The following MRPL34 variants were observed in gnomAD, a reference collection of about 807,000 sequenced individuals.
The protein encoded by MRPL34 is large ribosomal subunit protein bL34m.
MRPL34 carries 8 observed loss-of-function variants against 6.7 expected under a neutral mutation model. That is an observed-to-expected ratio of 1.20 (90% confidence interval 0.70 to 2.16). MRPL34 has a LOEUF of 2.16. MRPL34 is among the 30% of genes most tolerant of loss of function. The pLI is 0.00. For synonymous variants in MRPL34, 59 were observed against 55.1 expected, an observed-to-expected ratio of 1.07 and a Z score of -0.31; for missense variants, 146 against 125.5, an observed-to-expected ratio of 1.16 and a Z score of -0.78.
intron 1 of MRPL34, among the ~76,000 whole-genome samples, chr19:17,295,619 G>A (rs1290457338): frequency 6.6e-6 from 1 of 152,080 alleles, no homozygotes; most frequent in Admixed American, 6.6e-5. Flanking sequence ...TGTTGCTCAG[G>A]CTGGTCGAGA....
upstream of MRPL34, chr19:17,301,355 C>T: frequency 6.2e-7 from 1 of 1,610,148 alleles, no homozygotes; most frequent in South Asian, 1.1e-5. Flanking sequence ...AGCAACCGCC[C>T]ATTGCGGTAC....
At position 17,306,292 on chromosome 19, in the gene MRPL34, C is replaced by T. The variant is rs1189671136; in HGVS notation, c.192C>T (p.His64=). ...QPSNIKRKNK[H]GWVRRLSTPA... ...GCAACATCAAACGCAAGAACAAGCA[C>T]GGCTGGGTCCGGCGCCTGAGCACGC... The change falls in exon 2 of 2, where the codon CAC becomes CAT. Residue 64 remains histidine (H), a synonymous_variant. Transcript: ENST00000252602. 3.1e-6 allele frequency: 5 copies of T among 1,609,974 alleles called. No homozygotes were observed. Among genetic ancestry groups the T allele is most frequent in the African/African-American group, 1.3e-5 (1 of 75,002 alleles).
At chr19:17,295,027 G>C (rs1318706561) in intron 1 of MRPL34, among the ~76,000 whole-genome samples, 1 of 150,464 alleles carries the variant, frequency 6.6e-6, no homozygotes, top group African/African-American at 2.4e-5. Flanking sequence ...AGGTTCAAGC[G>C]ATTCTCCTGC....
upstream of MRPL34, among the ~76,000 whole-genome samples, chr19:17,299,289 C>T (rs549737672): frequency 7.1e-5 from 10 of 140,094 alleles, no homozygotes; most frequent in East Asian, 6.9e-4. Context: ...TGGCCTGGTG[C>T]GTTGGCTCAC....
chr19:17,301,815 A>C (rs1273625893), upstream of MRPL34, among the ~76,000 whole-genome samples: 2 of 137,208 alleles, frequency 1.5e-5, no homozygotes, highest in African/African-American at 3.1e-5. Flanking sequence ...TGTGTTTTTG[A>C]GACAGTCTCG....
At chr19:17,293,861 T>C (rs1192988316) in intron 1 of MRPL34, among the ~76,000 whole-genome samples, 1 of 151,998 alleles carries the variant, frequency 6.6e-6, no homozygotes, top group African/African-American at 2.4e-5. Context: ...GCCGGGCTAG[T>C]ATCCAGGGCT....
rs756997082 is a variant in MRPL34 at position 17,294,889 on chromosome 19, G to A, written c.214+2035G>A. On this transcript the variant is annotated intron_variant, in intron 1 of 2. Coordinates refer to the MRPL34 transcript ENST00000595444. Reference sequence around the variant, plus strand: ...GTGATAGGAGGATTGAAGGGAGGCGGTCAGCAGGATACAAGCAGTGACCAT... The same window carrying A: ...GTGATAGGAGGATTGAAGGGAGGCGATCAGCAGGATACAAGCAGTGACCAT... 13 of 1,598,402 alleles carry A rather than the reference G, an allele frequency of 8.1e-6. No homozygotes were observed. In the East Asian group the frequency reaches 2.7e-4, roughly 33 times the overall value.
chr19:17,305,794 TAGGAG>T, upstream of MRPL34: 2 of 1,284,304 alleles, frequency 1.6e-6, no homozygotes, highest in Admixed American at 3.4e-5. Context: ...TTTTGCACGT[TAGGAG>T]AAACTACATT....
upstream of MRPL34, chr19:17,305,818 T>A (rs371758622): frequency 8.8e-5 from 127 of 1,435,378 alleles, no homozygotes; most frequent in South Asian, 3.8e-4. Context: ...TTTCCCATAA[T>A]CCTTTGTTCC....
chr19:17,301,527 G>A (rs753140950), upstream of MRPL34: 3 of 1,610,324 alleles, frequency 1.9e-6, no homozygotes, highest in Non-Finnish European at 8.5e-7. Context: ...TGTAGCCATC[G>A]CTGGACTCGA....
intron 1 of MRPL34, among the ~76,000 whole-genome samples, chr19:17,293,387 G>A (rs2145650460): frequency 6.6e-6 from 1 of 150,774 alleles, no homozygotes; most frequent in South Asian, 2.1e-4. Context: ...GTGAGCCACC[G>A]CGCCCGGCCT....
intron 1 of MRPL34, among the ~76,000 whole-genome samples, chr19:17,293,247 C>T (rs1251046711): frequency 3.3e-5 from 5 of 151,920 alleles, no homozygotes; most frequent in Non-Finnish European, 7.4e-5. Context: ...AGGCACGCGC[C>T]ACTACACCCG....
In MRPL34 at chr19:17,306,585, A is replaced by T; in HGVS notation, c.*206A>T. ...GAAGCATTTCGAACCTGCGCAACAGACCAAAGAACAGTACAAAGAACATCC... is the reference window on the plus strand; with the variant it reads ...GAAGCATTTCGAACCTGCGCAACAGTCCAAAGAACAGTACAAAGAACATCC... On this transcript the variant is annotated 3_prime_UTR_variant, in exon 2 of 2. Transcript: ENST00000252602. The T allele has an allele frequency of 1.9e-6, 1 of 540,158 alleles. No individual in the cohort carries two copies. The allele number at this position is 540,158 out of a possible 1,614,324, so 33.5% of individuals were successfully genotyped here. A position where few individuals can be genotyped will look rare whatever the true frequency, so the allele number is the denominator to read the frequency against.
chr19:17,301,128 C>T (rs970263281), upstream of MRPL34: 2 of 1,612,954 alleles, frequency 1.2e-6, no homozygotes, highest in Non-Finnish European at 1.7e-6. Flanking sequence ...TGATGCGCTT[C>T]TCACAGTCAA....
chr19:17,302,833 G>A (rs1168017732), upstream of MRPL34: 1 of 152,272 alleles, frequency 6.6e-6, no homozygotes, highest in African/African-American at 2.4e-5. Context: ...TAACCTAAGG[G>A]GGGGATACCC....
At chr19:17,298,770 T>G (rs1308649136), upstream of MRPL34, among the ~76,000 whole-genome samples, 1 of 122,306 alleles carries the variant, frequency 8.2e-6, no homozygotes, top group Non-Finnish European at 1.6e-5. Flanking sequence ...GGGCAGAGTC[T>G]CACTCTGTTG....
chr19:17,296,787 CG>C (rs2074095539), intron 1 of MRPL34: 1 of 151,480 alleles, frequency 6.6e-6, no homozygotes, highest in African/African-American at 2.4e-5. Flanking sequence ...CTCCGCCTCC[CG>C]GGTTCAAGTG....
chr19:17,300,845 G>C (rs530712660), upstream of MRPL34: 107 of 1,575,954 alleles, frequency 6.8e-5, no homozygotes, highest in South Asian at 1.1e-3. Flanking sequence ...CACATGCCAG[G>C]GTTCACTTAC....
chr19:17,298,878 T>C (rs2074104539), upstream of MRPL34, among the ~76,000 whole-genome samples: 1 of 151,738 alleles, frequency 6.6e-6, no homozygotes, highest in Non-Finnish European at 1.5e-5. Context: ...GTAGCTGGGA[T>C]TACAGGCACA....
Sources: gnomAD v4.1 joint callset for allele counts (sites outside exome capture counted in the v4.1 genomes callset) on GRCh38, gnomAD v4.1.1 for gene constraint, MANE v1.5 for transcripts, NCBI Gene and HGNC (gene_info 2026-07-23, HGNC 2026-07-21) for gene names.